The following SMG6 variants were observed in gnomAD, a reference collection of about 807,000 sequenced individuals.
The protein encoded by SMG6 is telomerase-binding protein EST1A.
Under a neutral mutation model 142.2 loss-of-function variants are expected in SMG6, and 66 were observed. The ratio of observed to expected loss-of-function variants is 0.46; its 90% confidence interval spans 0.38 to 0.57. The LOEUF (loss-of-function observed/expected upper bound fraction) is 0.57. Ranked by LOEUF, SMG6 falls within the 20% of genes least tolerant of loss-of-function variation. SMG6 has a pLI of 0.00. For missense variants in SMG6, 1,793 were observed against 1,832.0 expected, an observed-to-expected ratio of 0.98 and a Z score of 0.39; for synonymous variants, 779 against 702.4, an observed-to-expected ratio of 1.11 and a Z score of -1.72.
chr17:2,085,704 C>T lies in SMG6; in HGVS notation c.3534+21G>A, dbSNP rs201904930. The T allele has an allele frequency of 9.5e-5, 152 of 1,596,348 alleles. 1 individual carries two copies. The East Asian group carries it at 2.2e-3, about 23-fold the overall frequency. ...GGAGGGGGCCTTCCCTCTGCCACAG[C>T]GGGCTCTTCCCGCATAGTACCTCAT... On this transcript the variant is annotated intron_variant, in intron 14 of 18. Coordinates refer to ENST00000263073, the MANE Select transcript of SMG6 (RefSeq NM_017575.5). The surrounding 1 kb of genome is among the most constrained non-coding windows in gnomAD (Gnocchi z 4.1).
intron 13 of SMG6, among the ~76,000 whole-genome samples, chr17:2,090,476 G>A (rs1169754731): frequency 6.6e-5 from 10 of 152,182 alleles, no homozygotes; most frequent in Non-Finnish European, 1.3e-4. Flanking sequence ...CAGGGAATAT[G>A]AGGAAGGGCT....
Position 2,198,718 on chromosome 17 carries a change from C to T in SMG6, c.2870-10203G>A, listed in dbSNP as rs1035823846. Reference sequence around the variant, plus strand: ...CAAAAAAAGTAAACCCAAGTAAAACCGAAGAAGATCTGACACAGCATTCCA... The same window carrying T: ...CAAAAAAAGTAAACCCAAGTAAAACTGAAGAAGATCTGACACAGCATTCCA... On this transcript the variant is annotated intron_variant, in intron 10 of 18. Transcript: ENST00000263073. Among the ~76,000 whole-genome samples, 5 of 151,832 alleles carry T rather than the reference C, an allele frequency of 3.3e-5. No homozygotes were observed. The East Asian group carries it at 5.8e-4, about 18-fold the overall frequency.
At chr17:2,259,600 G>A (rs889092215) in intron 8 of SMG6, among the ~76,000 whole-genome samples, 2 of 151,030 alleles carry the variant, frequency 1.3e-5, no homozygotes, top group Admixed American at 1.3e-4. Context: ...CTGAGCCCAG[G>A]AGGTTGAGGC....
chr17:2,125,073 G>A (rs1361050305), intron 13 of SMG6, among the ~76,000 whole-genome samples: 1 of 152,162 alleles, frequency 6.6e-6, no homozygotes, highest in African/African-American at 2.4e-5. Flanking sequence ...GAAATAGGAA[G>A]AGGCAGAAGG....
In SMG6 at chr17:2,112,854, C is replaced by A. The variant is rs535757710; in HGVS notation, c.3358-26953G>T. Among the ~76,000 whole-genome samples the A allele has an allele frequency of 4.0e-5, 6 of 151,170 alleles. No individual in the cohort carries two copies. In the East Asian group the frequency reaches 1.2e-3, roughly 30 times the overall value. On this transcript the variant is annotated intron_variant, in intron 13 of 18. Transcript: ENST00000263073. ...CTCACTGCAACCTCTGCCTCCCAGG[C>A]TCAAGCAATCCCCCTGCCTCAGCCT... is the stretch of plus-strand genomic sequence containing the variant.
At position 2,253,299 on chromosome 17, in the gene SMG6, G is replaced by T. The variant is rs138180599; in HGVS notation, c.2662-8580C>A. On this transcript the variant is annotated intron_variant, in intron 8 of 18. Transcript: ENST00000263073. ...TGGGACTACAGGCGCCTGCCACTAC[G>T]CCTGGCTAATTTTTTGTATTCTTTT... 9.8e-3 allele frequency among the ~76,000 whole-genome samples: 1,484 copies of T among 152,024 alleles called. 25 individuals carry two copies. The highest frequency in any genetic ancestry group is 0.034 in the African/African-American group (1,396 of 41,466).
chr17:2,282,390 C>CAAAAAAAAAA (rs576759563), intron 8 of SMG6, among the ~76,000 whole-genome samples: 63 of 84,474 alleles, frequency 7.5e-4, no homozygotes, highest in Non-Finnish European at 1.0e-3. Context: ...CAAAAAGCAG[C>CAAAAAAAAAA]AAAAAAAAAA....
chr17:2,240,791 G>A (rs956763018), intron 9 of SMG6, among the ~76,000 whole-genome samples: 5 of 152,240 alleles, frequency 3.3e-5, no homozygotes, highest in Admixed American at 6.5e-5. Flanking sequence ...GCCTGGAAGC[G>A]CAGCGTCCGA....
chr17:2,201,427 C>T (rs1300928628), intron 10 of SMG6, among the ~76,000 whole-genome samples: 2 of 152,186 alleles, frequency 1.3e-5, no homozygotes, highest in African/African-American at 4.8e-5. Context: ...GGCACAGTGA[C>T]TCACACCTGT....
intron 6 of SMG6, among the ~76,000 whole-genome samples, chr17:2,290,655 G>T (rs1453479304): frequency 6.6e-6 from 1 of 152,168 alleles, no homozygotes; most frequent in Non-Finnish European, 1.5e-5. Flanking sequence ...CACTGCTGAA[G>T]AATGTGAAGA....
intron 12 of SMG6, among the ~76,000 whole-genome samples, chr17:2,182,837 A>G (rs1170714745): frequency 6.7e-6 from 1 of 149,536 alleles, no homozygotes; most frequent in Non-Finnish European, 1.5e-5. Flanking sequence ...CCAGCCGAAG[A>G]CCACACTGAG....
chr17:2,254,713 C>T (rs574346745), intron 8 of SMG6, among the ~76,000 whole-genome samples: 39 of 152,246 alleles, frequency 2.6e-4, no homozygotes, highest in African/African-American at 9.1e-4. Context: ...TGGACCCATA[C>T]ATTTATTCAT....
At chr17:2,128,939 T>C (rs1478815273) in intron 13 of SMG6, among the ~76,000 whole-genome samples, 1 of 146,174 alleles carries the variant, frequency 6.8e-6, no homozygotes, top group Non-Finnish European at 1.5e-5. Flanking sequence ...TTTAAGAAAA[T>C]GAAAGAAATA....
rs1486503787 is a variant in SMG6, at chr17:2,088,323, G to C, written c.3358-2422C>G. ...AGATGGGGATTTCCAGGGCACAGCA[G>C]GACCCAGGGATGTGGACATCCTGAG... On this transcript the variant is annotated intron_variant, in intron 13 of 18. Coordinates refer to ENST00000263073, the MANE Select transcript of SMG6 (RefSeq NM_017575.5). 6.1e-6 allele frequency: 6 copies of C among 985,302 alleles called. No homozygotes were observed. In the African/African-American group the frequency reaches 1.0e-4, roughly 17 times the overall value. 61.0% of individuals were successfully genotyped at this position (985,302 alleles called of 1,614,324 possible). A position where few individuals can be genotyped will look rare whatever the true frequency, so the allele number is the denominator to read the frequency against.
intron 13 of SMG6, among the ~76,000 whole-genome samples, chr17:2,140,274 G>C (rs2070435874): frequency 6.6e-6 from 1 of 150,818 alleles, no homozygotes; most frequent in Non-Finnish European, 1.5e-5. Context: ...TGCTGCCTAA[G>C]CTGGTCTCCT....
At chr17:2,109,255 AG>A (rs1432464140) in intron 13 of SMG6, among the ~76,000 whole-genome samples, 1 of 152,150 alleles carries the variant, frequency 6.6e-6, no homozygotes, top group Non-Finnish European at 1.5e-5. Flanking sequence ...AGCTGCTGTT[AG>A]AATATATGTC....
chr17:2,163,114 G>A (rs1232787968), intron 13 of SMG6, among the ~76,000 whole-genome samples: 1 of 152,058 alleles, frequency 6.6e-6, no homozygotes, highest in Non-Finnish European at 1.5e-5. Flanking sequence ...TTACAGGTGT[G>A]AGCCAACATG....
chr17:2,274,421 G>A (rs145715444), intron 8 of SMG6, among the ~76,000 whole-genome samples: 1 of 152,012 alleles, frequency 6.6e-6, no homozygotes, highest in Admixed American at 6.6e-5. Context: ...ACCTGAACAA[G>A]TCCTGAAAAA....
At chr17:2,080,587 A>G (rs2068390574) in intron 15 of SMG6, among the ~76,000 whole-genome samples, 1 of 152,182 alleles carries the variant, frequency 6.6e-6, no homozygotes, top group African/African-American at 2.4e-5. Context: ...TGTCTCGTGT[A>G]GGCCTCACAG....
Sources: allele counts gnomAD v4.1 joint callset (sites outside exome capture counted in the v4.1 genomes callset), GRCh38; gene constraint gnomAD v4.1.1; non-coding constraint Gnocchi (gnomAD v3.1); transcripts MANE v1.5; gene names NCBI Gene and HGNC (gene_info 2026-07-23, HGNC 2026-07-21).